Variants in CA10 observed in about 807,000 individuals in gnomAD.
CA10 encodes carbonic anhydrase-related protein 10.
Under a neutral mutation model 44.2 loss-of-function variants are expected in CA10, and 14 were observed. The ratio of observed to expected loss-of-function variants is 0.32; its 90% CI spans 0.21 to 0.50. The LOEUF (loss-of-function observed/expected upper bound fraction) is 0.50. Ranked by LOEUF, CA10 falls within the 20% of genes least tolerant of loss-of-function variation. CA10 has a pLI of 0.99. For missense variants in CA10, 350 were observed against 409.7 expected (o/e 0.85, Z 1.26); for synonymous variants, 159 against 141.6 (o/e 1.12, Z -0.87).
chr17:51,955,900 C>T (rs570958003), intron 2 of CA10, among the ~76,000 whole-genome samples: 27 of 152,122 alleles, frequency 1.8e-4, no homozygotes, highest in African/African-American at 2.9e-4. Flanking sequence ...ACCTAGATGA[C>T]GGATTGACGG....
intron 2 of CA10, among the ~76,000 whole-genome samples, chr17:51,952,086 T>G (rs1355456576): frequency 6.6e-6 from 1 of 152,178 alleles, no homozygotes; most frequent in Non-Finnish European, 1.5e-5. Context: ...GAACTCTACT[T>G]TCTATTAGAA....
chr17:52,067,458 A>C (rs1987568107), intron 2 of CA10, among the ~76,000 whole-genome samples: 1 of 152,170 alleles, frequency 6.6e-6, no homozygotes, highest in South Asian at 2.1e-4. Flanking sequence ...TGCAGTGGGG[A>C]GCCCTCATGG....
chr17:52,148,375 C>A (rs577301954), intron 1 of CA10, among the ~76,000 whole-genome samples: 1 of 152,298 alleles, frequency 6.6e-6, no homozygotes, highest in Non-Finnish European at 1.5e-5. Flanking sequence ...TGTCCTAGTT[C>A]AAGCCTTTGG....
chr17:52,143,699 T>C lies in CA10; in HGVS notation c.61+14027A>G, dbSNP rs569221613. 5.3e-5 allele frequency among the ~76,000 whole-genome samples: 8 copies of C among 152,256 alleles called. No homozygotes were observed. In the South Asian group the frequency reaches 1.7e-3, roughly 32 times the overall value. ...TGGGTCTACACTCAGCTTCTCTAAG[T>C]ACAATCAATTTAAGAGAAACAGGAG... On this transcript the variant is annotated intron_variant, in intron 1 of 8. Coordinates refer to ENST00000451037, the MANE Select transcript of CA10 (RefSeq NM_020178.5).
intron 1 of CA10, among the ~76,000 whole-genome samples, chr17:52,092,515 A>T (rs1003219716): frequency 6.6e-6 from 1 of 152,090 alleles, no homozygotes; most frequent in African/African-American, 2.4e-5. Context: ...ATGCTTGCAG[A>T]GTGCACCTTC....
intron 3 of CA10, among the ~76,000 whole-genome samples, chr17:51,760,518 A>C (rs1555596493): frequency 6.6e-6 from 1 of 152,192 alleles, no homozygotes; most frequent in Non-Finnish European, 1.5e-5. Flanking sequence ...TCTTTGGGGC[A>C]GTATTCAGGA....
intron 2 of CA10, among the ~76,000 whole-genome samples, chr17:52,010,555 T>C (rs1311743372): frequency 3.3e-5 from 5 of 151,934 alleles, no homozygotes; most frequent in African/African-American, 7.2e-5. Flanking sequence ...TTCTCACTCA[T>C]TTGTGAGAAC....
chr17:51,874,550 C>T (rs1979965548), intron 3 of CA10, among the ~76,000 whole-genome samples: 1 of 152,078 alleles, frequency 6.6e-6, no homozygotes, highest in Non-Finnish European at 1.5e-5. Flanking sequence ...TGACCACATG[C>T]ACCAGGAAAG....
intron 4 of CA10, among the ~76,000 whole-genome samples, chr17:51,657,113 G>A (rs11867674): frequency 0.44 from 66,145 of 152,034 alleles, 15,597 homozygotes; most frequent in Admixed American, 0.53. Flanking sequence ...TGCTCTATAG[G>A]CCTTTGCAGT....
chr17:51,890,143 C>T (rs2143907466), intron 3 of CA10, among the ~76,000 whole-genome samples: 1 of 152,334 alleles, frequency 6.6e-6, no homozygotes, highest in South Asian at 2.1e-4. Flanking sequence ...CAAGGAACTT[C>T]ACAGAATAGA....
In CA10 at chr17:52,050,486, G is replaced by T. The variant is rs527949440; in HGVS notation, c.136+21833C>A. The stretch of plus-strand genomic sequence containing the variant: ...CAGATTGGTAAACAATGTATATCAT[G>T]CATGCCACTACTCTGGTTAACACTC... On this transcript the variant is annotated intron_variant, in intron 2 of 8. Coordinates refer to ENST00000451037, the MANE Select transcript of CA10 (RefSeq NM_020178.5). 7.9e-5 allele frequency among the ~76,000 whole-genome samples: 12 copies of T among 152,174 alleles called. No individual in the cohort carries two copies. In the South Asian group the frequency reaches 2.5e-3, roughly 32 times the overall value.
intron 1 of CA10, among the ~76,000 whole-genome samples, chr17:52,120,072 G>C (rs1014588766): frequency 1.3e-5 from 2 of 152,134 alleles, no homozygotes; most frequent in African/African-American, 4.8e-5. Context: ...ATAAGACCAA[G>C]GGAGCTAACC....
chr17:51,941,309 G>A (rs931744413), intron 2 of CA10, among the ~76,000 whole-genome samples: 1 of 152,136 alleles, frequency 6.6e-6, no homozygotes, highest in Non-Finnish European at 1.5e-5. Context: ...ATTCTTGCGA[G>A]AATCCACAGG....
chr17:51,746,568 C>T (rs987935327), intron 4 of CA10, among the ~76,000 whole-genome samples: 1 of 152,226 alleles, frequency 6.6e-6, no homozygotes, highest in Non-Finnish European at 1.5e-5. Flanking sequence ...TTTGCCAGGG[C>T]CTTTGTACAT....
At chr17:51,824,251 T>C (rs973230701) in intron 3 of CA10, among the ~76,000 whole-genome samples, 6 of 152,210 alleles carry the variant, frequency 3.9e-5, no homozygotes, top group Non-Finnish European at 7.3e-5. Flanking sequence ...ATTCAGGATG[T>C]GGCTGGGATC....
intron 2 of CA10, among the ~76,000 whole-genome samples, chr17:51,969,597 AG>A (rs1196146831): frequency 6.6e-6 from 1 of 152,062 alleles, no homozygotes; most frequent in African/African-American, 2.4e-5. Context: ...GTTGAATAGA[AG>A]AATAGATTGG....
At chr17:51,666,012 T>C (rs975129981) in intron 4 of CA10, among the ~76,000 whole-genome samples, 4 of 152,386 alleles carry the variant, frequency 2.6e-5, no homozygotes, top group Non-Finnish European at 4.4e-5. Flanking sequence ...TCCCAGGGTC[T>C]CCTGGCAGCC....
chr17:51,897,610 T>G (rs1397379277), intron 3 of CA10, among the ~76,000 whole-genome samples: 4 of 152,180 alleles, frequency 2.6e-5, no homozygotes, highest in African/African-American at 7.2e-5. Flanking sequence ...AGAATGTCAT[T>G]GGTAATTTGA....
At position 52,008,543 on chromosome 17, in the gene CA10, A is replaced by AT. The variant is rs577220681; in HGVS notation, c.136+63775dup. Among the ~76,000 whole-genome samples, 1,028 of 151,822 alleles carry AT rather than the reference A, an allele frequency of 6.8e-3. 9 individuals carry two copies. The highest frequency in any genetic ancestry group is 0.023 in the African/African-American group (973 of 41,458). ...CTCTGCTAGAGCTTTTCTAATTTCA[A>AT]TTTTTTGTTTTTTTCTATTACTGCT... On this transcript the variant is annotated intron_variant, in intron 2 of 8. Transcript: ENST00000451037.
Sources: gnomAD v4.1 joint callset for allele counts (sites outside exome capture counted in the v4.1 genomes callset) on GRCh38, gnomAD v4.1.1 for gene constraint, MANE v1.5 for transcripts, NCBI Gene and HGNC (gene_info 2026-07-23, HGNC 2026-07-21) for gene names.